CHD8: variants seen among roughly 807,000 people sequenced by gnomAD.
CHD8 encodes the protein chromodomain helicase DNA binding protein 8.
A neutral mutation model predicts 279.2 loss-of-function variants in CHD8; 31 were observed. That is an observed-to-expected ratio of 0.11 (90% confidence interval 0.08 to 0.15). The LOEUF (loss-of-function observed/expected upper bound fraction) is 0.15, where lower values mean the gene tolerates loss of function less well. Ranked by LOEUF, CHD8 falls within the 10% of genes least tolerant of loss-of-function variation. The pLI is 1.00. For synonymous variants in CHD8, 1,081 were observed against 1,139.6 expected (o/e 0.95, Z 1.04); for missense variants, 2,146 against 3,230.5 (o/e 0.66, Z 8.14).
chr14:21,391,376 A>G, intron 36 of CHD8, 87 bp downstream of exon 36: 1 of 1,253,224 alleles, frequency 8.0e-7, no homozygotes, highest in Non-Finnish European at 1.1e-6. Context: ...AGAAACGATG[A>G]TACAGTATGT....
rs762262871 is a variant in CHD8 at position 21,393,814 on chromosome 14, G to A, written c.5981C>T (p.Ala1994Val). 6.2e-7 allele frequency: 1 copy of A among 1,613,970 alleles called. No individual in the cohort carries two copies. The highest frequency in any genetic ancestry group is 1.1e-5 in the South Asian group (1 of 91,082). Residue 1994 changes from alanine (A) to valine (V), a missense_variant, in exon 32 of 38, where the codon GCC becomes GTC. Ala to Val is a moderately conservative substitution (Grantham distance 64). Transcript: ENST00000646647. ...LLHQQYTSRT[A>V]SPLPLRPDAP... The stretch of plus-strand genomic sequence containing the variant: ...ATCTGGGCGCAGGGGCAGTGGTGAG[G>A]CAGTGCGTGAGGTATACTGCTGGTG...
In CHD8 at chr14:21,435,829, TGAG is replaced by T. The variant is rs1455966907; in HGVS notation, c.-215-3974_-215-3972del. On this transcript the variant is annotated intron_variant, in intron 1 of 37. Transcript: ENST00000646647. ...CCAGTGAAGATCTGTAAAAGACACG[TGAG>T]GAGTAGAGGGCAGAGAAAGAAACAT... is the stretch of plus-strand genomic sequence containing the variant. Among the ~76,000 whole-genome samples, 35 of 152,200 alleles carry T rather than the reference TGAG, an allele frequency of 2.3e-4. 1 individual carries two copies. The highest frequency in any genetic ancestry group is 4.4e-5 in the Non-Finnish European group (3 of 68,036).
chr14:21,445,711 A>G (rs1007959874), intron 1 of CHD8, among the ~76,000 whole-genome samples: 14 of 145,180 alleles, frequency 9.6e-5, no homozygotes, highest in African/African-American at 3.4e-4. Context: ...AAAAAAAAAA[A>G]AAAAAGTCAG....
At chr14:21,433,990 G>C (rs2082365073) in intron 1 of CHD8, among the ~76,000 whole-genome samples, 1 of 148,012 alleles carries the variant, frequency 6.8e-6, no homozygotes. Context: ...ACCGTCAGAA[G>C]TTAAAGTATC....
At chr14:21,441,652 G>C (rs1038879762) in intron 1 of CHD8, among the ~76,000 whole-genome samples, 2 of 152,076 alleles carry the variant, frequency 1.3e-5, no homozygotes, top group Non-Finnish European at 2.9e-5. Context: ...ACTTTGGGAG[G>C]CCAAGGCGGG....
At chr14:21,444,783 T>C (rs530681327) in intron 1 of CHD8, among the ~76,000 whole-genome samples, 1 of 152,190 alleles carries the variant, frequency 6.6e-6, no homozygotes, top group Non-Finnish European at 1.5e-5. Flanking sequence ...GACCTTCTTT[T>C]CATTCTATAC....
chr14:21,421,629 C>T (rs1159619964), intron 5 of CHD8, among the ~76,000 whole-genome samples: 1 of 152,040 alleles, frequency 6.6e-6, no homozygotes, highest in African/African-American at 2.4e-5. Flanking sequence ...AAAAGATTGT[C>T]CCAATTAACA....
intron 1 of CHD8, among the ~76,000 whole-genome samples, chr14:21,445,954 C>T (rs563068778): frequency 2.0e-5 from 3 of 152,158 alleles, no homozygotes; most frequent in Non-Finnish European, 2.9e-5. Context: ...GAGCTGAGAT[C>T]GTGCCACTGC....
intron 10 of CHD8, among the ~76,000 whole-genome samples, chr14:21,411,389 T>C (rs1888485920): frequency 6.6e-6 from 1 of 152,238 alleles, no homozygotes. Context: ...TCTGAGGCTC[T>C]GAGTGAACCT....
Position 21,391,828 on chromosome 14 carries a change from C to G in CHD8, c.6885+5G>C. ...GTCAGGTTAAAGACTTTCTCTACCACTCACCTCTACTAGCTTCTTTCTGTT... is the reference window on the plus strand; with the variant it reads ...GTCAGGTTAAAGACTTTCTCTACCAGTCACCTCTACTAGCTTCTTTCTGTT... On this transcript the variant is annotated splice_donor_5th_base_variant and intron_variant, in intron 35 of 37. Coordinates refer to ENST00000646647, the MANE Select transcript of CHD8 (RefSeq NM_001170629.2). 1 of 1,598,606 alleles carries G rather than the reference C, an allele frequency of 6.3e-7. No individual in the cohort carries two copies. Among genetic ancestry groups the G allele is most frequent in the Non-Finnish European group, 8.6e-7 (1 of 1,165,788 alleles).
At chr14:21,427,393 A>T (rs1490200720) in intron 4 of CHD8, 1 of 241,186 alleles carries the variant, frequency 4.1e-6, no homozygotes, top group Admixed American at 6.9e-5. Context: ...TGCACGTCCC[A>T]TCACAATAGC....
intron 1 of CHD8, among the ~76,000 whole-genome samples, chr14:21,453,641 G>C (rs1422123098): frequency 6.6e-6 from 1 of 151,876 alleles, no homozygotes; most frequent in African/African-American, 2.4e-5. Context: ...TTCTAGAGGT[G>C]AAAGTGGAGA....
chr14:21,437,319 G>A (rs1038498003), intron 1 of CHD8: 42 of 1,092,794 alleles, frequency 3.8e-5, no homozygotes, highest in Non-Finnish European at 4.6e-5. Context: ...GAAGCGCACT[G>A]CCACTCACCA....
chr14:21,391,693 G>T, intron 35 of CHD8, 51 bp from the exon 36 acceptor site: 1 of 1,518,962 alleles, frequency 6.6e-7, no homozygotes, highest in Non-Finnish European at 9.0e-7. Flanking sequence ...TTTGGGGGAG[G>T]GAGGGAGGGG....
Position 21,408,898 on chromosome 14 carries a change from A to C in CHD8, c.2365-73T>G. 5 of 1,427,362 alleles carry C rather than the reference A, an allele frequency of 3.5e-6. No homozygotes were observed. The South Asian group carries it at 5.2e-5, about 15-fold the overall frequency. 88.4% of individuals were successfully genotyped at this position (1,427,362 alleles called of 1,614,324 possible). A position where few individuals can be genotyped will look rare whatever the true frequency, so the allele number is the denominator to read the frequency against. On this transcript the variant is annotated intron_variant, in intron 11 of 37. Coordinates refer to ENST00000646647, the MANE Select transcript of CHD8 (RefSeq NM_001170629.2). The surrounding 1 kb of genome is among the most constrained non-coding windows in gnomAD (Gnocchi z 4.3). The stretch of plus-strand genomic sequence containing the variant: ...GGTAAGACTTACTAGGTAAGTTCTA[A>C]TAGTTAAAATCAATTCAAAACAACA...
At position 21,409,853 on chromosome 14, in the gene CHD8, C is replaced by T. The variant is rs191366877; in HGVS notation, c.2362G>A (p.Val788Met). 1,863 of 1,613,262 alleles carry T rather than the reference C, an allele frequency of 1.2e-3. 1 individual carries two copies. The highest frequency in any genetic ancestry group is 2.6e-3 in the Middle Eastern group (16 of 6,058). The change falls in exon 11 of 38, where the codon GTG (valine) becomes ATG (methionine). Residue 788 changes from valine (V) to methionine (M), a missense_variant and splice_region_variant. Val to Met is a conservative substitution (Grantham distance 21). Transcript: ENST00000646647. The stretch of plus-strand genomic sequence containing the variant: ...TACTTTAATGCAAATGTACTTACCA[C>T]CCTTTTGAGTTCTGGGTGCCTTGAC... ...IQSRHPELKR[V>M]NRPQASAWKK... is the part of the protein sequence containing the mutation.
intron 32 of CHD8, 54 bp downstream of exon 32, chr14:21,393,420 AAG>A: frequency 2.0e-6 from 3 of 1,503,074 alleles, no homozygotes; most frequent in Non-Finnish European, 2.7e-6. Flanking sequence ...AGAAAAGGGA[AAG>A]AGAAGAGAGG....
intron 30 of CHD8, 114 bp downstream of exon 30, chr14:21,394,798 A>G: frequency 8.8e-7 from 1 of 1,134,704 alleles, no homozygotes; most frequent in Admixed American, 2.3e-5. Flanking sequence ...TACCCAAGGC[A>G]GAAAAGATGG....
In CHD8 at chr14:21,431,840, G is replaced by A; in HGVS notation, c.-197C>T. 6.2e-7 allele frequency: 1 copy of A among 1,612,270 alleles called. No homozygotes were observed. The highest frequency in any genetic ancestry group is 8.5e-7 in the Non-Finnish European group (1 of 1,178,278). ...ATGGAGCAAGATGGCTACGTCTTCA[G>A]AGGAAGATGGTGGAACTCCTGTTGT... On this transcript the variant is annotated 5_prime_UTR_variant, in exon 2 of 38. Transcript: ENST00000646647.
Sources: allele counts gnomAD v4.1 joint callset (sites outside exome capture counted in the v4.1 genomes callset), GRCh38; gene constraint gnomAD v4.1.1; non-coding constraint Gnocchi (gnomAD v3.1); transcripts MANE v1.5; gene names NCBI Gene and HGNC (gene_info 2026-07-23, HGNC 2026-07-21).